Variants in TRPS1 observed in about 807,000 individuals in gnomAD.
TRPS1 encodes transcriptional repressor GATA binding 1.
In TRPS1, 6 loss-of-function variants were observed where a neutral mutation model predicts 101.2. That is an observed-to-expected ratio of 0.06 (90% confidence interval 0.03 to 0.12). The LOEUF is 0.12. TRPS1 is among the 10% of genes least tolerant of loss of function. The pLI, the probability that TRPS1 is intolerant of heterozygous loss-of-function variation, is 1.00. For missense variants in TRPS1, 1,363 were observed against 1,567.0 expected, an observed-to-expected ratio of 0.87 and a Z score of 2.20; for synonymous variants, 578 against 589.8, an observed-to-expected ratio of 0.98 and a Z score of 0.29.
intron 5 of TRPS1, among the ~76,000 whole-genome samples, chr8:115,488,605 G>A (rs1405066657): frequency 6.6e-6 from 1 of 152,120 alleles, no homozygotes; most frequent in East Asian, 1.9e-4. Flanking sequence ...AATCCAGGAG[G>A]TGGAGGTTGC....
chr8:115,477,521 A>G (rs1350339198), intron 5 of TRPS1, among the ~76,000 whole-genome samples: 1 of 152,248 alleles, frequency 6.6e-6, no homozygotes, highest in Non-Finnish European at 1.5e-5. Flanking sequence ...AAACTCCAAC[A>G]GAAGAGCAAA....
At position 115,526,442 on chromosome 8, in the gene TRPS1, T is replaced by TA. The variant is rs1355420280; in HGVS notation, c.2700+60558dup. 5.9e-5 allele frequency among the ~76,000 whole-genome samples: 9 copies of TA among 152,304 alleles called. No homozygotes were observed. The Middle Eastern group carries it at 0.01, about 174-fold the overall frequency. On this transcript the variant is annotated intron_variant, in intron 5 of 6. Transcript: ENST00000395715. ...GTTTGAATTAGTAGGTAATATATTT[T>TA]AAAAAACAGTATTATTATTATCTTT...
At chr8:115,558,188 G>C (rs1223390496) in intron 5 of TRPS1, among the ~76,000 whole-genome samples, 1 of 151,814 alleles carries the variant, frequency 6.6e-6, no homozygotes, top group East Asian at 1.9e-4. Flanking sequence ...TCTAGTCTAA[G>C]ACCAGGGATA....
At chr8:115,533,025 A>G (rs1816172947) in intron 5 of TRPS1, among the ~76,000 whole-genome samples, 1 of 152,198 alleles carries the variant, frequency 6.6e-6, no homozygotes, top group African/African-American at 2.4e-5. Context: ...GGTCTAAACC[A>G]AAGGAGTGAA....
At chr8:115,435,559 G>A (rs1428971211) in intron 5 of TRPS1, among the ~76,000 whole-genome samples, 1 of 152,094 alleles carries the variant, frequency 6.6e-6, no homozygotes, top group Admixed American at 6.6e-5. Flanking sequence ...GCTGGTTCAT[G>A]GGAATTGAAG....
intron 3 of TRPS1, among the ~76,000 whole-genome samples, chr8:115,612,662 T>A (rs1818196958): frequency 6.6e-6 from 1 of 152,204 alleles, no homozygotes; most frequent in South Asian, 2.1e-4. Flanking sequence ...GATATGTTCC[T>A]GGACACATGA....
At chr8:115,520,774 G>T (rs1815839711) in intron 5 of TRPS1, among the ~76,000 whole-genome samples, 1 of 151,760 alleles carries the variant, frequency 6.6e-6, no homozygotes, top group African/African-American at 2.4e-5. Context: ...CAAAAGAAAT[G>T]ATAACCTCAA....
Position 115,619,583 on chromosome 8 carries a change from T to C in TRPS1, c.515A>G (p.Lys172Arg), listed in dbSNP as rs775998078. Residue 172 changes from lysine to arginine, a missense_variant, in exon 3 of 7, where the codon AAG (lysine) becomes AGG (arginine). By Grantham distance (26) the Lys-to-Arg change is conservative. Around this residue, in one of 5 missense-constraint regions of TRPS1, gnomAD observed 1,020 missense variants for 1,073.0 expected, o/e 0.95. Transcript: ENST00000395715. ...ETKEDQKMSPKATEETGQAQS... is the reference protein window; with the variant it reads ...ETKEDQKMSPRATEETGQAQS... ...TGCTTGCCCTGTTTCCTCTGTAGCC[T>C]TTGGTGACATCTTCTGATCTTCCTT... is the stretch of plus-strand genomic sequence containing the variant. 1.5e-4 allele frequency: 246 copies of C among 1,614,186 alleles called. No homozygotes were observed. Among genetic ancestry groups the C allele is most frequent in the Admixed American group, 3.2e-4 (19 of 60,024 alleles).
chr8:115,619,093 T>C, intron 3 of TRPS1, 39 bp downstream of exon 3: 1 of 1,606,936 alleles, frequency 6.2e-7, no homozygotes, highest in Non-Finnish European at 8.5e-7. Context: ...TCATTTCTAA[T>C]AACTTTTTCT....
intron 3 of TRPS1, among the ~76,000 whole-genome samples, chr8:115,614,317 C>A (rs190543596): frequency 1.3e-5 from 2 of 152,238 alleles, no homozygotes; most frequent in East Asian, 3.9e-4. Flanking sequence ...GAGAAAAATA[C>A]TGATATTCAA....
chr8:115,528,289 G>C (rs996880698), intron 5 of TRPS1, among the ~76,000 whole-genome samples: 3 of 151,922 alleles, frequency 2.0e-5, no homozygotes, highest in African/African-American at 7.2e-5. Context: ...ATTTATCATA[G>C]GAAATGAGTT....
chr8:115,540,255 G>C (rs931728316), intron 5 of TRPS1, among the ~76,000 whole-genome samples: 1 of 152,208 alleles, frequency 6.6e-6, no homozygotes. Flanking sequence ...CAGAAAGCTA[G>C]TGGGAAAGTA....
chr8:115,465,569 T>C (rs1010164244), intron 5 of TRPS1, among the ~76,000 whole-genome samples: 10 of 152,118 alleles, frequency 6.6e-5, no homozygotes, highest in Non-Finnish European at 1.5e-4. Context: ...TTCTCTTAAA[T>C]ACACCCATTG....
At chr8:115,454,957 T>C (rs566602786) in intron 5 of TRPS1, among the ~76,000 whole-genome samples, 6 of 152,218 alleles carry the variant, frequency 3.9e-5, no homozygotes, top group Non-Finnish European at 8.8e-5. Flanking sequence ...TGGATTTTGT[T>C]TTTCTTTTTA....
At chr8:115,488,340 T>C (rs927774176) in intron 5 of TRPS1, among the ~76,000 whole-genome samples, 4 of 152,232 alleles carry the variant, frequency 2.6e-5, no homozygotes, top group Non-Finnish European at 5.9e-5. Context: ...ACTCATTTTA[T>C]TGCAGTGGTG....
chr8:115,541,139 G>A (rs1816442732), intron 5 of TRPS1, among the ~76,000 whole-genome samples: 1 of 152,180 alleles, frequency 6.6e-6, no homozygotes, highest in East Asian at 1.9e-4. Flanking sequence ...TCAACTAATA[G>A]TAGCAGAAGC....
At chr8:115,640,821 A>T (rs1372184891) in intron 1 of TRPS1, among the ~76,000 whole-genome samples, 1 of 152,212 alleles carries the variant, frequency 6.6e-6, no homozygotes, top group Non-Finnish European at 1.5e-5. Flanking sequence ...TTGGATAATT[A>T]CAGTTCAAGA....
chr8:115,434,344 T>C (rs1427800031), intron 5 of TRPS1, among the ~76,000 whole-genome samples: 1 of 152,172 alleles, frequency 6.6e-6, no homozygotes, highest in African/African-American at 2.4e-5. Context: ...CAGAGAGACT[T>C]CTGGAAGTTG....
intron 5 of TRPS1, among the ~76,000 whole-genome samples, chr8:115,527,105 T>C (rs1170456369): frequency 6.6e-6 from 1 of 152,158 alleles, no homozygotes; most frequent in Admixed American, 6.5e-5. Flanking sequence ...AAATTGTTAT[T>C]ACTCATGGCT....
Sources: gnomAD v4.1 joint callset for allele counts (sites outside exome capture counted in the v4.1 genomes callset) on GRCh38, gnomAD v4.1.1 for gene constraint, gnomAD v4.1.1 regional missense constraint, MANE v1.5 for transcripts, NCBI Gene and HGNC (gene_info 2026-07-23, HGNC 2026-07-21) for gene names.